The following STAG1 variants were observed in gnomAD, a reference collection of about 807,000 sequenced individuals.
STAG1 encodes the protein cohesin subunit SA-1.
In STAG1, 26 loss-of-function variants were observed where a neutral mutation model predicts 170.9. The ratio of observed to expected loss-of-function variants is 0.15; its 90% CI spans 0.11 to 0.21. The LOEUF (loss-of-function observed/expected upper bound fraction) is 0.21, where lower values mean the gene tolerates loss of function less well. Among genes scored for constraint, STAG1 ranks in the 10% least tolerant of loss-of-function variants. STAG1 has a pLI of 1.00. For synonymous variants in STAG1, 514 were observed against 497.7 expected (o/e 1.03, Z -0.44); for missense variants, 964 against 1,509.5 (o/e 0.64, Z 5.99).
chr3:136,734,145 CAAAA>C (rs1168847561), intron 1 of STAG1, among the ~76,000 whole-genome samples: 29 of 145,280 alleles, frequency 2.0e-4, no homozygotes, highest in African/African-American at 6.7e-4. Context: ...AAAAACAAAA[CAAAA>C]AAAATTTTCT....
chr3:136,674,909 T>C (rs1280101551), intron 1 of STAG1, among the ~76,000 whole-genome samples: 1 of 152,160 alleles, frequency 6.6e-6, no homozygotes, highest in Non-Finnish European at 1.5e-5. Context: ...TGCTACTTTC[T>C]AGCAAAAGTT....
Position 136,377,056 on chromosome 3 carries a change from C to T in STAG1, c.2370+604G>A, listed in dbSNP as rs538103384. On this transcript the variant is annotated intron_variant, in intron 23 of 33. Transcript: ENST00000383202. ...CCTCCCAAAGTGCTGGGATTACAGG[C>T]GTGAGCCACTGCGCCCGGCCATTCT... 1.8e-4 allele frequency among the ~76,000 whole-genome samples: 27 copies of T among 150,068 alleles called. No homozygotes were observed. In the South Asian group the frequency reaches 5.6e-3, roughly 31 times the overall value.
At chr3:136,384,988 T>C (rs2086831906) in intron 22 of STAG1, among the ~76,000 whole-genome samples, 2 of 152,120 alleles carry the variant, frequency 1.3e-5, no homozygotes, top group Admixed American at 1.3e-4. Flanking sequence ...ATTACAGGAG[T>C]GGGAACTGAA....
At chr3:136,392,424 C>T (rs1316259334) in intron 22 of STAG1, among the ~76,000 whole-genome samples, 1 of 152,046 alleles carries the variant, frequency 6.6e-6, no homozygotes, top group Non-Finnish European at 1.5e-5. Context: ...ATTGAAAGTA[C>T]ATTGTAATCT....
At chr3:136,403,468 C>T (rs2087396086) in intron 21 of STAG1, among the ~76,000 whole-genome samples, 2 of 151,772 alleles carry the variant, frequency 1.3e-5, no homozygotes, top group South Asian at 4.2e-4. Context: ...CCCTAATACA[C>T]TAGAAGATGT....
chr3:136,377,713 A>G lies in STAG1; in HGVS notation c.2317T>C (p.Leu773=), dbSNP rs763302800. 1.9e-6 allele frequency: 3 copies of G among 1,614,090 alleles called. No homozygotes were observed. Among genetic ancestry groups the G allele is most frequent in the Non-Finnish European group, 1.7e-6 (2 of 1,179,998 alleles). The change falls in exon 23 of 34, where the codon TTG becomes CTG. Residue 773 remains leucine (L), a synonymous_variant. Coordinates refer to ENST00000383202, the MANE Select transcript of STAG1 (RefSeq NM_005862.3). ...LVLRKTVKSF[L]AVCQQCLSNV... ...GACAGGCACTGCTGGCAAACAGCCA[A>G]AAAGGATTTCACCGTTTTCCTCAAT...
At chr3:136,523,386 C>A (rs1348150624) in intron 6 of STAG1, among the ~76,000 whole-genome samples, 4 of 149,288 alleles carry the variant, frequency 2.7e-5, no homozygotes. Flanking sequence ...AGTGTCTGTT[C>A]ATATCCTTAG....
In STAG1 at chr3:136,551,428, AT is replaced by A. The variant is rs57299539; in HGVS notation, c.395-9234del. Among the ~76,000 whole-genome samples, 409 of 117,466 alleles carry A rather than the reference AT, an allele frequency of 3.5e-3. 5 individuals carry two copies. The highest frequency in any genetic ancestry group is 9.7e-3 in the African/African-American group (288 of 29,806). The allele number at this position is 117,466 out of a possible 152,430, so 77.1% of individuals were successfully genotyped here. A position where few individuals can be genotyped will look rare whatever the true frequency, so the allele number is the denominator to read the frequency against. On this transcript the variant is annotated intron_variant, in intron 5 of 33. Transcript: ENST00000383202. ...AGGCAGGCATCAATACATCTGGCTA[AT>A]TTTTTTTTTTTTTTGGCAGGGGGAA...
At chr3:136,648,184 A>T (rs188816376) in intron 1 of STAG1, among the ~76,000 whole-genome samples, 169 of 152,062 alleles carry the variant, frequency 1.1e-3, no homozygotes, top group African/African-American at 2.3e-3. Flanking sequence ...AAGATAATAA[A>T]CCCATAGATC....
chr3:136,488,983 G>A (rs868773539), intron 9 of STAG1, among the ~76,000 whole-genome samples: 1 of 151,802 alleles, frequency 6.6e-6, no homozygotes, highest in Non-Finnish European at 1.5e-5. Context: ...TAATGCAGGG[G>A]GTGCAAAAAA....
At chr3:136,585,307 T>G (rs1326630821) in intron 4 of STAG1, among the ~76,000 whole-genome samples, 1 of 152,112 alleles carries the variant, frequency 6.6e-6, no homozygotes, top group Non-Finnish European at 1.5e-5. Flanking sequence ...CCAGGTATGG[T>G]GGTGTTCACC....
intron 4 of STAG1, among the ~76,000 whole-genome samples, chr3:136,596,905 T>A (rs1339946095): frequency 6.6e-6 from 1 of 152,082 alleles, no homozygotes; most frequent in African/African-American, 2.4e-5. Flanking sequence ...AAACCTTGTC[T>A]CTACTAAAAA....
At chr3:136,579,117 T>C (rs573340813) in intron 4 of STAG1, among the ~76,000 whole-genome samples, 96 of 152,318 alleles carry the variant, frequency 6.3e-4, no homozygotes, top group African/African-American at 2.3e-3. Context: ...AGAATGACTA[T>C]GGACTATAAT....
chr3:136,559,120 ACTACCTATCTAT>A (rs959088863), intron 5 of STAG1, among the ~76,000 whole-genome samples: 1 of 108,480 alleles, frequency 9.2e-6, no homozygotes, highest in African/African-American at 3.5e-5. Flanking sequence ...ATAACACTGA[ACTACCTATCTAT>A]CTATCTATCT....
intron 5 of STAG1, among the ~76,000 whole-genome samples, chr3:136,542,871 G>C (rs1046359678): frequency 9.2e-5 from 14 of 152,036 alleles, no homozygotes; most frequent in Admixed American, 3.9e-4. Flanking sequence ...GAGGCATCTA[G>C]AGGTTTAGCA....
chr3:136,365,665 G>A (rs185350043), intron 25 of STAG1, among the ~76,000 whole-genome samples: 1 of 152,188 alleles, frequency 6.6e-6, no homozygotes, highest in Admixed American at 6.6e-5. Context: ...GCTTGATGCT[G>A]AGCCTAAGAT....
intron 4 of STAG1, among the ~76,000 whole-genome samples, chr3:136,585,250 T>C (rs914774211): frequency 2.0e-5 from 3 of 152,198 alleles, no homozygotes; most frequent in African/African-American, 4.8e-5. Context: ...CAGACCAGCC[T>C]GGCCAACATG....
chr3:136,412,763 G>A (rs1052024020), intron 21 of STAG1, among the ~76,000 whole-genome samples: 2 of 151,706 alleles, frequency 1.3e-5, no homozygotes, highest in African/African-American at 4.8e-5. Flanking sequence ...CAGGTTAAAG[G>A]AGACAAAAAC....
chr3:136,623,756 A>T (rs1331197984), intron 2 of STAG1, among the ~76,000 whole-genome samples: 2 of 152,000 alleles, frequency 1.3e-5, no homozygotes, highest in Non-Finnish European at 2.9e-5. Flanking sequence ...AGAATTTGGG[A>T]CCAGCCTGGC....
Sources: gnomAD v4.1 joint callset for allele counts (sites outside exome capture counted in the v4.1 genomes callset) on GRCh38, gnomAD v4.1.1 for gene constraint, MANE v1.5 for transcripts, NCBI Gene and HGNC (gene_info 2026-07-23, HGNC 2026-07-21) for gene names.